The following MEIG1 variants were observed in gnomAD, a reference collection of about 807,000 sequenced individuals.
MEIG1 encodes meiosis/spermiogenesis associated 1, also known as meiosis expressed gene 1 protein homolog.
A neutral mutation model predicts 11.3 loss-of-function variants in MEIG1; 12 were observed. That is an observed-to-expected ratio of 1.07 (90% CI 0.68 to 1.73). MEIG1 has a LOEUF of 1.73. MEIG1 is among the 40% of genes most tolerant of loss of function. MEIG1 has a pLI of 0.00. For missense variants in MEIG1, 119 were observed against 104.9 expected, an observed-to-expected ratio of 1.13 and a Z score of -0.59; for synonymous variants, 41 against 33.2, an observed-to-expected ratio of 1.24 and a Z score of -0.81.
downstream of MEIG1, among the ~76,000 whole-genome samples, chr10:14,977,800 C>A (rs561100338): frequency 3.3e-5 from 5 of 151,896 alleles, no homozygotes; most frequent in Admixed American, 6.6e-5. Flanking sequence ...AGTGGGTGTA[C>A]ACCATGTGTG....
At chr10:14,985,256 C>T (rs548653468) in intron 1 of MEIG1, among the ~76,000 whole-genome samples, 5 of 151,806 alleles carry the variant, frequency 3.3e-5, no homozygotes, top group East Asian at 1.9e-4. Flanking sequence ...ACTATGGTCA[C>T]GGGGGTATAC....
rs1589208525 is a variant in MEIG1, at chr10:14,966,323, A to C, written c.-29-117A>C. 9.5e-6 allele frequency: 5 copies of C among 527,000 alleles called. No homozygotes were observed. The South Asian group carries it at 1.2e-4, about 13-fold the overall frequency. 32.6% of individuals were successfully genotyped at this position (527,000 alleles called of 1,614,324 possible). On this transcript the variant is annotated intron_variant, in intron 1 of 2. Coordinates refer to ENST00000407572, the MANE Select transcript of MEIG1 (RefSeq NM_001080836.3). ...ATGATCCACCTGCCTCAGCCTCCCA[A>C]AGTGCTGGGATTACAGGTGTGAGCC...
intron 1 of MEIG1, among the ~76,000 whole-genome samples, chr10:14,964,720 G>A (rs1180436766): frequency 1.5e-5 from 2 of 136,902 alleles, no homozygotes; most frequent in African/African-American, 5.5e-5. Flanking sequence ...TGGGTTTCAA[G>A]CGATTCTCAA....
At chr10:14,962,834 G>T (rs1268033373) in intron 1 of MEIG1, among the ~76,000 whole-genome samples, 5 of 150,942 alleles carry the variant, frequency 3.3e-5, no homozygotes, top group Admixed American at 2.0e-4. Flanking sequence ...GCACCATCTC[G>T]GCTCACTGCA....
At chr10:14,978,468 T>C (rs1843232923) in intron 1 of MEIG1, among the ~76,000 whole-genome samples, 1 of 151,764 alleles carries the variant, frequency 6.6e-6, no homozygotes, top group African/African-American at 2.4e-5. Flanking sequence ...TCTAGGGAGA[T>C]GTTACTCCTA....
upstream of MEIG1, among the ~76,000 whole-genome samples, chr10:14,956,914 C>A (rs997091750): frequency 1.3e-5 from 2 of 152,038 alleles, no homozygotes; most frequent in Admixed American, 6.6e-5. Context: ...AAGAATTAGC[C>A]GGGTGTGGTG....
intron 2 of MEIG1, among the ~76,000 whole-genome samples, chr10:14,967,357 C>T (rs899145336): frequency 1.3e-5 from 2 of 152,044 alleles, no homozygotes; most frequent in African/African-American, 2.4e-5. Context: ...GTTAGAACAA[C>T]TCGTGACTTT....
intron 1 of MEIG1, among the ~76,000 whole-genome samples, chr10:14,960,605 A>G (rs1460963016): frequency 6.6e-6 from 1 of 151,948 alleles, no homozygotes; most frequent in Non-Finnish European, 1.5e-5. Context: ...TTTTTAGTAG[A>G]GACGGGGTTT....
At chr10:14,974,465 C>A (rs917654896), downstream of MEIG1, among the ~76,000 whole-genome samples, 1 of 152,022 alleles carries the variant, frequency 6.6e-6, no homozygotes, top group Non-Finnish European at 1.5e-5. Flanking sequence ...CCCAAAAACA[C>A]GCCTCTCCAC....
chr10:14,975,845 T>C (rs1407767996), downstream of MEIG1, among the ~76,000 whole-genome samples: 2 of 152,116 alleles, frequency 1.3e-5, no homozygotes, highest in African/African-American at 4.8e-5. Flanking sequence ...GAGAGGACGA[T>C]ACTACACCCA....
chr10:14,978,091 A>G (rs1843229795), intron 1 of MEIG1, among the ~76,000 whole-genome samples: 1 of 151,798 alleles, frequency 6.6e-6, no homozygotes, highest in South Asian at 2.1e-4. Context: ...GTAATATCCT[A>G]GGAAGAGGTT....
downstream of MEIG1, among the ~76,000 whole-genome samples, chr10:14,975,242 A>G (rs543783908): frequency 2.8e-4 from 42 of 151,838 alleles, no homozygotes; most frequent in African/African-American, 9.2e-4. Flanking sequence ...GGGTGATATT[A>G]CTCCCAATAT....
At chr10:14,976,183 T>A (rs1401878753), downstream of MEIG1, among the ~76,000 whole-genome samples, 1 of 150,976 alleles carries the variant, frequency 6.6e-6, no homozygotes, top group Non-Finnish European at 1.5e-5. Context: ...TCTACTGCCA[T>A]CCTGGGTTCA....
rs34536061 is a variant in MEIG1 at position 14,961,638 on chromosome 10, A to ATTTTTTTTTTTTTTTTTTTT, written c.-30+2083_-30+2102dup. 5.5e-4 allele frequency among the ~76,000 whole-genome samples: 42 copies of ATTTTTTTTTTTTTTTTTTTT among 76,614 alleles called. 9 individuals are homozygous for ATTTTTTTTTTTTTTTTTTTT. The highest frequency in any genetic ancestry group is 9.6e-4 in the African/African-American group (21 of 21,970). The allele number at this position is 76,614 out of a possible 152,430, so 50.3% of individuals were successfully genotyped here. A position where few individuals can be genotyped will look rare whatever the true frequency, so the allele number is the denominator to read the frequency against. ...AGGCAGCCGCCACCGCATCCGGCTA[A>ATTTTTTTTTTTTTTTTTTTT]TTTTTTTTTTTTTTTTTTTTTAGTA... On this transcript the variant is annotated intron_variant, in intron 1 of 2. Coordinates refer to ENST00000407572, the MANE Select transcript of MEIG1 (RefSeq NM_001080836.3).
chr10:14,986,332 A>G (rs1843318572), intron 1 of MEIG1, among the ~76,000 whole-genome samples: 2 of 152,182 alleles, frequency 1.3e-5, no homozygotes, highest in Admixed American at 6.5e-5. Context: ...TCTCAAAACA[A>G]AAAACAAAAA....
chr10:14,977,578 G>A (rs939069867), downstream of MEIG1, among the ~76,000 whole-genome samples: 24 of 151,624 alleles, frequency 1.6e-4, no homozygotes, highest in African/African-American at 5.1e-4. Flanking sequence ...ATCCCAGTGG[G>A]TGTACACACA....
At chr10:14,980,949 A>G (rs1843256847) in intron 1 of MEIG1, among the ~76,000 whole-genome samples, 1 of 152,186 alleles carries the variant, frequency 6.6e-6, no homozygotes, top group African/African-American at 2.4e-5. Flanking sequence ...ATGGAAAGTC[A>G]GTGTAGCTTG....
chr10:14,964,254 T>C (rs1159536588), intron 1 of MEIG1, among the ~76,000 whole-genome samples: 2 of 152,112 alleles, frequency 1.3e-5, no homozygotes, highest in African/African-American at 2.4e-5. Flanking sequence ...CCTAACAGTC[T>C]TCATTATCTT....
chr10:14,970,480 G>T (rs1313386967), intron 2 of MEIG1: 1 of 152,242 alleles, frequency 6.6e-6, no homozygotes, highest in Admixed American at 6.5e-5. Context: ...CAGATAATCT[G>T]CTCCTGGCCC....
Sources: gnomAD v4.1 joint callset for allele counts (sites outside exome capture counted in the v4.1 genomes callset) on GRCh38, gnomAD v4.1.1 for gene constraint, MANE v1.5 for transcripts, NCBI Gene and HGNC (gene_info 2026-07-23, HGNC 2026-07-21) for gene names.